The following AUTS2 variants were observed in gnomAD, a reference collection of about 807,000 sequenced individuals.
The protein encoded by AUTS2 is autism susceptibility gene 2 protein.
In AUTS2, 17 loss-of-function variants were observed where a neutral mutation model predicts 112.4. The ratio of observed to expected loss-of-function variants is 0.15; its 90% CI spans 0.10 to 0.23. The LOEUF (loss-of-function observed/expected upper bound fraction) is 0.23. Ranked by LOEUF, AUTS2 falls within the 10% of genes least tolerant of loss-of-function variation. AUTS2 has a pLI of 1.00. For synonymous variants in AUTS2, 751 were observed against 702.7 expected (o/e 1.07, Z -1.09); for missense variants, 1,510 against 1,701.6 (o/e 0.89, Z 1.98).
chr7:70,630,048 A>G (rs1483007836), intron 5 of AUTS2, among the ~76,000 whole-genome samples: 1 of 152,182 alleles, frequency 6.6e-6, no homozygotes, highest in Non-Finnish European at 1.5e-5. Flanking sequence ...GCCCCCATCC[A>G]GGCATGTCTG....
At chr7:69,705,781 T>TGA (rs1798041073) in intron 1 of AUTS2, among the ~76,000 whole-genome samples, 1 of 152,208 alleles carries the variant, frequency 6.6e-6, no homozygotes, top group Non-Finnish European at 1.5e-5. Context: ...GCTAGAAGGC[T>TGA]GAGATCAAGG....
At chr7:69,866,188 A>G (rs1401273435) in intron 1 of AUTS2, among the ~76,000 whole-genome samples, 2 of 152,166 alleles carry the variant, frequency 1.3e-5, no homozygotes, top group Admixed American at 1.3e-4. Flanking sequence ...ATTTCTGCCT[A>G]CTACTCCAAA....
At chr7:70,594,467 C>T (rs1392658064) in intron 5 of AUTS2, among the ~76,000 whole-genome samples, 3 of 152,140 alleles carry the variant, frequency 2.0e-5, no homozygotes, top group Non-Finnish European at 2.9e-5. Flanking sequence ...TGAGCTGGCT[C>T]AACTCTCTGC....
chr7:69,905,348 G>C (rs1223392000), intron 2 of AUTS2, among the ~76,000 whole-genome samples: 2 of 152,100 alleles, frequency 1.3e-5, no homozygotes, highest in East Asian at 1.9e-4. Flanking sequence ...ATATATATGT[G>C]GGTAGATAAG....
intron 14 of AUTS2, among the ~76,000 whole-genome samples, chr7:70,777,383 C>T (rs1032358740): frequency 1.3e-5 from 2 of 151,842 alleles, no homozygotes; most frequent in Non-Finnish European, 2.9e-5. Context: ...GGCTGGAGTA[C>T]AAGGGGACAA....
intron 2 of AUTS2, among the ~76,000 whole-genome samples, chr7:70,052,073 G>A (rs986821951): frequency 1.3e-5 from 2 of 152,168 alleles, no homozygotes; most frequent in African/African-American, 2.4e-5. Flanking sequence ...GAAAGAAATG[G>A]AACGGAGAAG....
intron 4 of AUTS2, among the ~76,000 whole-genome samples, chr7:70,427,976 G>A (rs1266762740): frequency 6.6e-6 from 1 of 152,078 alleles, no homozygotes; most frequent in Non-Finnish European, 1.5e-5. Context: ...TTTTCAAATG[G>A]GCTCATTAGT....
intron 1 of AUTS2, among the ~76,000 whole-genome samples, chr7:69,637,381 T>G (rs1027508103): frequency 2.6e-5 from 4 of 152,210 alleles, no homozygotes; most frequent in Non-Finnish European, 4.4e-5. Context: ...AGGAGTACAG[T>G]ATAGAGAGTA....
At chr7:70,112,721 CTCTT>C (rs969865939) in intron 2 of AUTS2, among the ~76,000 whole-genome samples, 5 of 151,900 alleles carry the variant, frequency 3.3e-5, no homozygotes, top group Middle Eastern at 3.4e-3. Flanking sequence ...TTTTCCCTCT[CTCTT>C]TTTTTAAATT....
chr7:69,799,278 G>A (rs1298193637), intron 1 of AUTS2, among the ~76,000 whole-genome samples: 1 of 152,030 alleles, frequency 6.6e-6, no homozygotes, highest in Non-Finnish European at 1.5e-5. Flanking sequence ...GGTGGAACCT[G>A]GGAGTCTACG....
At chr7:70,099,855 A>G (rs918341878) in intron 2 of AUTS2, among the ~76,000 whole-genome samples, 2 of 152,216 alleles carry the variant, frequency 1.3e-5, no homozygotes, top group Non-Finnish European at 2.9e-5. Context: ...CATAATTGGT[A>G]CAAGTGTTTG....
chr7:70,479,470 C>T (rs995992177), intron 5 of AUTS2, among the ~76,000 whole-genome samples: 3 of 152,196 alleles, frequency 2.0e-5, no homozygotes, highest in African/African-American at 4.8e-5. Flanking sequence ...GCCACTTCCC[C>T]GGAGTCCACA....
intron 4 of AUTS2, among the ~76,000 whole-genome samples, chr7:70,415,268 G>C (rs968004899): frequency 1.3e-5 from 2 of 152,170 alleles, no homozygotes; most frequent in East Asian, 3.9e-4. Context: ...ACCACTAGCC[G>C]TAGAGCCTTG....
intron 5 of AUTS2, among the ~76,000 whole-genome samples, chr7:70,517,494 T>A (rs943427150): frequency 3.3e-5 from 5 of 151,778 alleles, no homozygotes; most frequent in Admixed American, 3.3e-4. Context: ...TAGAGTTCAG[T>A]GTTTTGGGGC....
intron 4 of AUTS2, among the ~76,000 whole-genome samples, chr7:70,262,243 G>A (rs1787203416): frequency 6.6e-6 from 1 of 152,114 alleles, no homozygotes; most frequent in Non-Finnish European, 1.5e-5. Flanking sequence ...AGGCTGGAGT[G>A]CAGTGGTGCG....
intron 2 of AUTS2, among the ~76,000 whole-genome samples, chr7:69,997,846 C>T (rs989709688): frequency 1.2e-4 from 19 of 152,112 alleles, no homozygotes; most frequent in South Asian, 4.1e-4. Context: ...ACATCCAAAT[C>T]GTATTACCTG....
At chr7:69,891,180 G>A (rs768075008) in intron 1 of AUTS2, among the ~76,000 whole-genome samples, 1 of 152,088 alleles carries the variant, frequency 6.6e-6, no homozygotes, top group Non-Finnish European at 1.5e-5. Flanking sequence ...GCTTGCTGTT[G>A]CTATCAATTA....
chr7:70,628,059 T>A (rs935254160), intron 5 of AUTS2, among the ~76,000 whole-genome samples: 8 of 152,138 alleles, frequency 5.3e-5, no homozygotes, highest in Admixed American at 1.3e-4. Context: ...GGTGGCTCAT[T>A]GATCTATAAG....
intron 4 of AUTS2, among the ~76,000 whole-genome samples, chr7:70,182,420 A>G (rs1272148486): frequency 6.6e-6 from 1 of 152,298 alleles, no homozygotes; most frequent in Non-Finnish European, 1.5e-5. Flanking sequence ...CCCTTCGTCT[A>G]AGTGTTTATT....
Sources: gnomAD v4.1 joint callset for allele counts (sites outside exome capture counted in the v4.1 genomes callset) on GRCh38, gnomAD v4.1.1 for gene constraint, MANE v1.5 for transcripts, NCBI Gene and HGNC (gene_info 2026-07-23, HGNC 2026-07-21) for gene names.